The following ACADVL variants were observed in gnomAD, a reference collection of about 807,000 sequenced individuals.
ACADVL encodes acyl-CoA dehydrogenase very long chain.
In ACADVL, 73 loss-of-function variants were observed where a neutral mutation model predicts 80.4. The ratio of observed to expected loss-of-function variants is 0.91; its 90% CI spans 0.75 to 1.10. ACADVL has a LOEUF of 1.10. Among genes scored for constraint, ACADVL ranks in the 50% least tolerant of loss-of-function variants. ACADVL has a pLI of 0.00. For synonymous variants in ACADVL, 392 were observed against 326.5 expected (o/e 1.20, Z -2.16); for missense variants, 878 against 858.9 (o/e 1.02, Z -0.28).
chr17:7,218,261 C>A (rs1218068727), upstream of ACADVL: 1 of 1,609,874 alleles, frequency 6.2e-7, no homozygotes, highest in Non-Finnish European at 8.5e-7. Context: ...GAGAGGGAAG[C>A]CTCATAATAG....
At chr17:7,220,879 T>C (rs777121342) in intron 5 of ACADVL, 45 bp from the exon 6 acceptor site, 3 of 1,613,914 alleles carry the variant, frequency 1.9e-6, no homozygotes, top group Non-Finnish European at 2.5e-6. Context: ...TTGGAGATGT[T>C]AAGCTCAAAA....
Position 7,224,977 on chromosome 17 carries a change from G to A in ACADVL, c.1848G>A (p.Glu616=), listed in dbSNP as rs372886650. ...CCCAGGCTGCAGCTCGGATCCGAGAGGGCATGGCCGCCCTGCAGTCTGACC... is the reference window on the plus strand; with the variant it reads ...CCCAGGCTGCAGCTCGGATCCGAGAAGGCATGGCCGCCCTGCAGTCTGACC... The part of the protein sequence containing the change: ...WCIEAAARIR[E]GMAALQSDPW... The change falls in exon 20 of 20, where the codon GAG becomes GAA. Residue 616 remains glutamate (E), a synonymous_variant. Coordinates refer to ENST00000356839, the MANE Select transcript of ACADVL (RefSeq NM_000018.4). 1.6e-5 allele frequency: 26 copies of A among 1,613,978 alleles called. No individual in the cohort carries two copies. Among genetic ancestry groups the A allele is most frequent in the Non-Finnish European group, 2.2e-5 (26 of 1,180,030 alleles).
intron 9 of ACADVL, 41 bp from the exon 10 acceptor site, chr17:7,222,626 T>A: frequency 6.4e-7 from 1 of 1,568,760 alleles, no homozygotes; most frequent in Non-Finnish European, 8.7e-7. Flanking sequence ...AGTGACAACC[T>A]GTTGAACACA....
chr17:7,223,214 G>T lies in ACADVL; in HGVS notation c.1159G>T (p.Val387Phe), dbSNP rs1422904205. ...GLIQEKLARM[V>F]MLQYVTESMA... is the part of the protein sequence containing the mutation. ...GATCCAGGAGAAGCTGGCACGGATG[G>T]TTATGCTGCAGTATGTAACTGAGGT... The change falls in exon 11 of 20, where the codon GTT becomes TTT. Residue 387 changes from valine (V) to phenylalanine (F), a missense_variant. Transcript: ENST00000356839. 1 of 1,613,950 alleles carries T rather than the reference G, an allele frequency of 6.2e-7. No homozygotes were observed. Among genetic ancestry groups the T allele is most frequent in the Middle Eastern group, 1.7e-4 (1 of 6,060 alleles).
intron 8 of ACADVL, 42 bp from the exon 9 acceptor site, chr17:7,222,135 G>A (rs1457544404): frequency 6.2e-7 from 1 of 1,614,136 alleles, no homozygotes; most frequent in South Asian, 1.1e-5. Context: ...AGGCCCCACT[G>A]CTCCCCGTCC....
rs1567567312 is a variant in ACADVL, at chr17:7,223,824, G to C, written c.1281G>C (p.Trp427Cys). 6.2e-7 allele frequency: 1 copy of C among 1,614,124 alleles called. No individual in the cohort carries two copies. Among genetic ancestry groups the C allele is most frequent in the South Asian group, 1.1e-5 (1 of 91,078 alleles). The change falls in exon 13 of 20, where the codon TGG (tryptophan) becomes TGC (cysteine). Residue 427 changes from tryptophan (W) to cysteine (C), a missense_variant. Coordinates refer to ENST00000356839, the MANE Select transcript of ACADVL (RefSeq NM_000018.4). ...TTCTTTGTCCCTAGGAGGCAGCCTG[G>C]AAGGTGACAGATGAATGCATCCAAA... ...ISKIFGSEAA[W>C]KVTDECIQIM...
At chr17:7,218,685 G>A, upstream of ACADVL, 1 of 1,544,086 alleles carries the variant, frequency 6.5e-7, no homozygotes, top group East Asian at 2.4e-5. Context: ...TGCCAACACA[G>A]GAAGATGAAC....
upstream of ACADVL, chr17:7,218,431 C>G: frequency 7.2e-7 from 1 of 1,383,716 alleles, no homozygotes; most frequent in South Asian, 1.2e-5. Flanking sequence ...TAGGCAGGAC[C>G]CTGCATGGTG....
upstream of ACADVL, chr17:7,218,256 G>A (rs758092695): frequency 4.3e-6 from 7 of 1,609,948 alleles, no homozygotes; most frequent in South Asian, 5.6e-5. Context: ...TCTCTGAGAG[G>A]GAAGCCTCAT....
At chr17:7,221,176 G>T in intron 6 of ACADVL, 118 bp downstream of exon 6, 1 of 1,539,418 alleles carries the variant, frequency 6.5e-7, no homozygotes, top group South Asian at 1.1e-5. Context: ...TGCCCTGGGT[G>T]CCTGTGGGAT....
intron 15 of ACADVL, 22 bp from the exon 16 acceptor site, chr17:7,224,295 CCAGT>C: frequency 6.2e-7 from 1 of 1,613,628 alleles, no homozygotes; most frequent in Non-Finnish European, 8.5e-7. Context: ...TGGCAACTAA[CCAGT>C]CATTCTCCCT....
upstream of ACADVL, chr17:7,218,153 G>A: frequency 7.9e-7 from 1 of 1,259,580 alleles, no homozygotes; most frequent in Non-Finnish European, 1.1e-6. Context: ...GGGCCCCCAA[G>A]ATTCCAGGTA....
chr17:7,223,702 A>C lies in ACADVL; in HGVS notation c.1241A>C (p.Glu414Ala), dbSNP rs1597534120. 6.2e-7 allele frequency: 1 copy of C among 1,614,106 alleles called. No individual in the cohort carries two copies. The highest frequency in any genetic ancestry group is 8.5e-7 in the Non-Finnish European group (1 of 1,180,034). The change falls in exon 12 of 20, where the codon GAG (glutamate) becomes GCG (alanine). Residue 414 changes from glutamate (E) to alanine (A), a missense_variant. Glu to Ala is a moderately radical substitution (Grantham distance 107). Transcript: ENST00000356839. ...MDQGATDFQI[E>A]AAISKIFGSE... Reference sequence around the variant, plus strand: ...CAGGGAGCCACGGACTTCCAGATAGAGGCCGCCATCAGCAAAATCTTTGGC... The same window carrying C: ...CAGGGAGCCACGGACTTCCAGATAGCGGCCGCCATCAGCAAAATCTTTGGC...
At chr17:7,217,217 T>A, upstream of ACADVL, 2 of 1,244,902 alleles carry the variant, frequency 1.6e-6, no homozygotes, top group South Asian at 7.1e-5. Context: ...CTCCCCTCCG[T>A]GGGTTCTCAC....
At position 7,222,508 on chromosome 17, in the gene ACADVL, C is replaced by G. The variant is rs74562836; in HGVS notation, c.879-159C>G. The G allele has an allele frequency of 0.018, 20,464 of 1,130,190 alleles. 249 individuals carry two copies. Among genetic ancestry groups the G allele is most frequent in the Non-Finnish European group, 0.022 (17,401 of 791,202 alleles). The allele number at this position is 1,130,190 out of a possible 1,614,324, so 70.0% of individuals were successfully genotyped here. A position where few individuals can be genotyped will look rare whatever the true frequency, so the allele number is the denominator to read the frequency against. ...AACACAAAATAGGACATAGCCAGGC[C>G]TCCTTAGCCCTCAGGGCCTGAGGGG... On this transcript the variant is annotated intron_variant, in intron 9 of 19. Coordinates refer to ENST00000356839, the MANE Select transcript of ACADVL (RefSeq NM_000018.4).
Position 7,222,085 on chromosome 17 carries a change from A to G in ACADVL, c.752+4A>G. On this transcript the variant is annotated splice_donor_region_variant and intron_variant, in intron 8 of 19. Coordinates refer to ENST00000356839, the MANE Select transcript of ACADVL (RefSeq NM_000018.4). ...ATGGAAGCAAGCTTTGGATCAGGCA[A>G]CCTGCCTCCCATTTCTCCCCTTCTC... 6.2e-7 allele frequency: 1 copy of G among 1,614,122 alleles called. No individual in the cohort carries two copies.
rs200366828 is a variant in ACADVL at position 7,224,023 on chromosome 17, G to A, written c.1388G>A (p.Gly463Glu). ...CTTCGCATCTTCCGGATCTTTGAGG[G>A]GACAAATGACATTCTTCGGCTGTTT... is the stretch of plus-strand genomic sequence containing the variant. The part of the protein sequence containing the change: ...RDLRIFRIFE[G>E]TNDILRLFVA... The change falls in exon 14 of 20, where the codon GGG (glycine) becomes GAG (glutamate). Residue 463 changes from glycine (G) to glutamate (E), a missense_variant. Transcript: ENST00000356839. 81 of 1,614,060 alleles carry A rather than the reference G, an allele frequency of 5.0e-5. No homozygotes were observed. Among genetic ancestry groups the A allele is most frequent in the Non-Finnish European group, 6.6e-5 (78 of 1,180,048 alleles).
upstream of ACADVL, chr17:7,217,549 G>A (rs1473325327): frequency 1.9e-5 from 16 of 842,392 alleles, no homozygotes; most frequent in Middle Eastern, 6.0e-4. Context: ...GGGCCGTGGC[G>A]GGGGAGTGGG....
chr17:7,221,733 A>G, intron 7 of ACADVL, 51 bp downstream of exon 7: 1 of 1,612,736 alleles, frequency 6.2e-7, no homozygotes, highest in Non-Finnish European at 8.5e-7. Flanking sequence ...TGGGCTTGGC[A>G]CAGATTAGGC....
Sources: gnomAD v4.1 joint callset for allele counts on GRCh38, gnomAD v4.1.1 for gene constraint, MANE v1.5 for transcripts, NCBI Gene and HGNC (gene_info 2026-07-23, HGNC 2026-07-21) for gene names.